Variants in PPP2R2D observed in about 807,000 individuals in gnomAD.
The protein encoded by PPP2R2D is protein phosphatase 2 regulatory subunit Bdelta, also known as serine/threonine-protein phosphatase 2A 55 kDa regulatory subunit B delta isoform.
Under a neutral mutation model 31.1 loss-of-function variants are expected in PPP2R2D, and 9 were observed. That is an observed-to-expected ratio of 0.29 (90% CI 0.17 to 0.51). PPP2R2D has a LOEUF of 0.51. Among genes scored for constraint, PPP2R2D ranks in the 20% least tolerant of loss-of-function variants. The probability of loss-of-function intolerance (pLI) is 0.98; values close to 1 mark genes in which losing one functional copy is unlikely to be tolerated. For missense variants in PPP2R2D, 391 were observed against 465.6 expected (o/e 0.84, Z 1.48); for synonymous variants, 179 against 172.6 (o/e 1.04, Z -0.29).
intron 8 of PPP2R2D, among the ~76,000 whole-genome samples, chr10:131,955,065 C>T (rs942728961): frequency 6.6e-6 from 1 of 152,166 alleles, no homozygotes; most frequent in Non-Finnish European, 1.5e-5. Context: ...TAGAATTTTT[C>T]GACAGCAGAG....
chr10:131,936,551 A>G (rs1353980206), intron 3 of PPP2R2D, among the ~76,000 whole-genome samples: 1 of 152,262 alleles, frequency 6.6e-6, no homozygotes, highest in Non-Finnish European at 1.5e-5. Context: ...GCCTTAGGGA[A>G]GATGCCTCAT....
At chr10:131,904,353 T>C (rs1292427671) in intron 2 of PPP2R2D, among the ~76,000 whole-genome samples, 2 of 151,832 alleles carry the variant, frequency 1.3e-5, no homozygotes, top group Non-Finnish European at 2.9e-5. Flanking sequence ...CTACTAAAAA[T>C]ACAAAAATTA....
intron 2 of PPP2R2D, among the ~76,000 whole-genome samples, chr10:131,903,280 A>G (rs1384856221): frequency 1.3e-5 from 2 of 152,032 alleles, no homozygotes; most frequent in Admixed American, 6.5e-5. Flanking sequence ...CAGCCTGGCC[A>G]ACACAGTGAA....
chr10:131,944,280 A>T, intron 6 of PPP2R2D, 135 bp downstream of exon 6: 1 of 702,492 alleles, frequency 1.4e-6, no homozygotes, highest in Non-Finnish European at 2.3e-6. Flanking sequence ...CCTGTGATGT[A>T]AGTTCTCTGT....
intron 8 of PPP2R2D, among the ~76,000 whole-genome samples, chr10:131,952,989 C>G (rs2036706548): frequency 9.1e-6 from 1 of 110,020 alleles, no homozygotes; most frequent in Non-Finnish European, 1.8e-5. Context: ...GTCTTAGTGA[C>G]TTGCGGGTGT....
chr10:131,918,238 A>G (rs1189226711), intron 2 of PPP2R2D, among the ~76,000 whole-genome samples: 3 of 146,392 alleles, frequency 2.0e-5, no homozygotes, highest in African/African-American at 7.8e-5. Context: ...GTTTGTAGGG[A>G]CCTCAGGCAG....
intron 5 of PPP2R2D, among the ~76,000 whole-genome samples, chr10:131,941,836 A>G (rs1353719538): frequency 3.3e-5 from 5 of 152,166 alleles, no homozygotes; most frequent in Admixed American, 6.5e-5. Context: ...GACTTCTCAC[A>G]TCGATGTTGT....
chr10:131,932,793 G>A (rs782770228), intron 2 of PPP2R2D, among the ~76,000 whole-genome samples: 3 of 151,736 alleles, frequency 2.0e-5, no homozygotes, highest in Non-Finnish European at 4.4e-5. Context: ...TGTTGGTTTT[G>A]TAATTTTGTG....
intron 2 of PPP2R2D, among the ~76,000 whole-genome samples, chr10:131,933,937 CTG>C (rs782144274): frequency 7.2e-5 from 11 of 152,086 alleles, no homozygotes; most frequent in Admixed American, 2.0e-4. Context: ...GTGGTGGTAA[CTG>C]TATCCAGACA....
chr10:131,912,357 T>C (rs2035698470), intron 2 of PPP2R2D: 1 of 152,258 alleles, frequency 6.6e-6, no homozygotes, highest in Non-Finnish European at 1.5e-5. Context: ...CCCAGCTTTT[T>C]TCTATTTTTT....
At chr10:131,963,729 T>C (rs1269353068), downstream of PPP2R2D, among the ~76,000 whole-genome samples, 1 of 152,238 alleles carries the variant, frequency 6.6e-6, no homozygotes, top group Non-Finnish European at 1.5e-5. Context: ...TTTTTCTTTT[T>C]TAGTAAAAAG....
intron 2 of PPP2R2D, among the ~76,000 whole-genome samples, chr10:131,910,168 C>A (rs1406245567): frequency 6.6e-6 from 1 of 152,154 alleles, no homozygotes; most frequent in South Asian, 2.1e-4. Flanking sequence ...GAGTCAGTGA[C>A]GTTTCTGTAC....
At position 131,940,064 on chromosome 10, in the gene PPP2R2D, A is replaced by G. The variant is rs782551536; in HGVS notation, c.232A>G (p.Asn78Asp). The change falls in exon 4 of 9, where the codon AAT becomes GAT. Residue 78 changes from asparagine to aspartate, a missense_variant. Asn to Asp is a conservative substitution (Grantham distance 23). This residue lies in a region of PPP2R2D where 105 missense variants were observed against 98.5 expected (regional missense o/e 1.07). Transcript: ENST00000455566. ...CCGCCCTCATTCTAGGGGAGAATATAATGTTTACAGCACCTTTCAAAGTCA... is the reference window on the plus strand; with the variant it reads ...CCGCCCTCATTCTAGGGGAGAATATGATGTTTACAGCACCTTTCAAAGTCA... ...KSRPHSRGEYNVYSTFQSHEP... is the reference protein window; with the variant it reads ...KSRPHSRGEYDVYSTFQSHEP... The G allele has an allele frequency of 2.6e-6, 2 of 771,546 alleles. No individual in the cohort carries two copies. The highest frequency in any genetic ancestry group is 4.9e-5 in the East Asian group (2 of 41,162). The allele number at this position is 771,546 out of a possible 1,614,324, so 47.8% of individuals were successfully genotyped here. A position where few individuals can be genotyped will look rare whatever the true frequency, so the allele number is the denominator to read the frequency against.
chr10:131,967,323 C>A, the PPP2R2D span: 1 of 152,218 alleles, frequency 6.6e-6, no homozygotes, highest in Non-Finnish European at 1.5e-5. Flanking sequence ...TGATGAAAGA[C>A]AAACAGCAAA....
downstream of PPP2R2D, among the ~76,000 whole-genome samples, chr10:131,960,482 G>A (rs1156609211): frequency 6.6e-6 from 1 of 152,228 alleles, no homozygotes; most frequent in African/African-American, 2.4e-5. Context: ...GACAGACTCA[G>A]TCTGATTTTG....
chr10:131,929,659 G>A (rs1195626564), intron 2 of PPP2R2D, among the ~76,000 whole-genome samples: 1 of 152,034 alleles, frequency 6.6e-6, no homozygotes, highest in Admixed American at 6.6e-5. Flanking sequence ...CGCCACACCT[G>A]CCCGCTCCAT....
rs1215664334 is a variant in PPP2R2D, at chr10:131,947,703, C to T, written c.994C>T (p.His332Tyr). ...CAGGCCGGTGGAGACCCACCAGGTCCACGAGTACCTGCGCAGCAAGCTCTG... is the reference window on the plus strand; with the variant it reads ...CAGGCCGGTGGAGACCCACCAGGTCTACGAGTACCTGCGCAGCAAGCTCTG... ...ESRPVETHQV[H>Y]EYLRSKLCSL... The change falls in exon 8 of 9, where the codon CAC (histidine) becomes TAC (tyrosine). Residue 332 changes from histidine to tyrosine, a missense_variant. This residue lies in a region of PPP2R2D where 163 missense variants were observed against 179.5 expected (regional missense o/e 0.91). Coordinates refer to ENST00000455566, the MANE Select transcript of PPP2R2D (RefSeq NM_018461.5). The surrounding 1 kb of genome is among the most constrained non-coding windows in gnomAD (Gnocchi z 4.3). 12 of 1,614,174 alleles carry T rather than the reference C, an allele frequency of 7.4e-6. No homozygotes were observed. Among genetic ancestry groups the T allele is most frequent in the Non-Finnish European group, 1.0e-5 (12 of 1,180,030 alleles).
chr10:131,948,572 A>C (rs1238997309), intron 8 of PPP2R2D, among the ~76,000 whole-genome samples: 1 of 152,162 alleles, frequency 6.6e-6, no homozygotes, highest in Non-Finnish European at 1.5e-5. Context: ...AGCAAGGGAA[A>C]TCTCACAACG....
chr10:131,932,646 C>CAAAAAAAAAAAAAAAAA lies in PPP2R2D; in HGVS notation c.101-1806_101-1790dup, dbSNP rs368610703. On this transcript the variant is annotated intron_variant, in intron 2 of 8. Coordinates refer to ENST00000455566, the MANE Select transcript of PPP2R2D (RefSeq NM_018461.5). ...CGCGCCACTGTACTCCAGCCTGTCTCAAAAAAAAAAAAAAAAAAAAAACAC... is the reference window on the plus strand; with the variant it reads ...CGCGCCACTGTACTCCAGCCTGTCTCAAAAAAAAAAAAAAAAAAAAAAAAAAAAAAAAAAAAAAACAC... Among the ~76,000 whole-genome samples the CAAAAAAAAAAAAAAAAA allele has an allele frequency of 1.7e-3, 97 of 57,804 alleles. 5 individuals are homozygous for CAAAAAAAAAAAAAAAAA. The highest frequency in any genetic ancestry group is 2.2e-3 in the Non-Finnish European group (70 of 32,258). The allele number at this position is 57,804 out of a possible 152,430, so 37.9% of individuals were successfully genotyped here.
Sources: gnomAD v4.1 joint callset for allele counts (sites outside exome capture counted in the v4.1 genomes callset) on GRCh38, gnomAD v4.1.1 for gene constraint, gnomAD v4.1.1 regional missense constraint, Gnocchi (gnomAD v3.1) non-coding constraint, MANE v1.5 for transcripts, NCBI Gene and HGNC (gene_info 2026-07-23, HGNC 2026-07-21) for gene names.